SMCHD1: variants seen among roughly 807,000 people sequenced by gnomAD.
The protein encoded by SMCHD1 is structural maintenance of chromosomes flexible hinge domain containing 1.
In SMCHD1, 78 loss-of-function variants were observed where a neutral mutation model predicts 254.7. That is an observed-to-expected ratio of 0.31 (90% CI 0.26 to 0.37). The LOEUF is 0.37. Among genes scored for constraint, SMCHD1 ranks in the 10% least tolerant of loss-of-function variants. SMCHD1 has a pLI of 1.00. For synonymous variants in SMCHD1, 766 were observed against 794.9 expected, an observed-to-expected ratio of 0.96 and a Z score of 0.61; for missense variants, 1,840 against 2,408.1, an observed-to-expected ratio of 0.76 and a Z score of 4.94.
intron 34 of SMCHD1, among the ~76,000 whole-genome samples, chr18:2,755,201 C>A (rs1193640969): frequency 6.6e-6 from 1 of 152,066 alleles, no homozygotes; most frequent in Non-Finnish European, 1.5e-5. Flanking sequence ...ACTACAGACC[C>A]ACAGCACTAC....
intron 44 of SMCHD1, among the ~76,000 whole-genome samples, chr18:2,779,281 T>C (rs1347464000): frequency 6.6e-6 from 1 of 152,204 alleles, no homozygotes; most frequent in African/African-American, 2.4e-5. Flanking sequence ...GCCTGCCTTA[T>C]GTAGCTGGCA....
At chr18:2,686,429 C>T (rs663183) in intron 5 of SMCHD1, among the ~76,000 whole-genome samples, 125,408 of 152,182 alleles carry the variant, frequency 0.82, 55,120 homozygotes, top group East Asian at 1. Flanking sequence ...GGCACTCAAA[C>T]CTGTATGTTA....
At chr18:2,693,989 C>A (rs538942178) in intron 7 of SMCHD1, among the ~76,000 whole-genome samples, 16 of 152,294 alleles carry the variant, frequency 1.1e-4, no homozygotes, top group African/African-American at 3.8e-4. Context: ...ATTTTATCCT[C>A]AAATTCCCCT....
chr18:2,697,644 G>C (rs920023002), intron 9 of SMCHD1, among the ~76,000 whole-genome samples, 187 bp from the exon 10 acceptor site: 29 of 152,092 alleles, frequency 1.9e-4, no homozygotes, highest in African/African-American at 6.5e-4. Context: ...TTTTTTAGTA[G>C]TATGTTCCTT....
At chr18:2,766,013 A>T (rs1480040718) in intron 37 of SMCHD1, among the ~76,000 whole-genome samples, 3 of 91,486 alleles carry the variant, frequency 3.3e-5, no homozygotes, top group Admixed American at 2.5e-4. Flanking sequence ...TTTTTTTTGG[A>T]GACAGAGTCT....
At chr18:2,731,130 A>G (rs1401286735) in intron 24 of SMCHD1, among the ~76,000 whole-genome samples, 2 of 152,218 alleles carry the variant, frequency 1.3e-5, no homozygotes, top group African/African-American at 2.4e-5. Flanking sequence ...GTAAGATACA[A>G]CAGAAGATGG....
intron 12 of SMCHD1, among the ~76,000 whole-genome samples, chr18:2,701,844 A>G (rs1472590450): frequency 2.0e-5 from 3 of 152,140 alleles, no homozygotes; most frequent in African/African-American, 7.2e-5. Context: ...TTTATTATCA[A>G]TTTATTGCTG....
chr18:2,768,656 G>A (rs370749932), intron 37 of SMCHD1, among the ~76,000 whole-genome samples: 1 of 107,434 alleles, frequency 9.3e-6, no homozygotes, highest in East Asian at 2.2e-4. Flanking sequence ...ACAGTATATA[G>A]TATAGTATAT....
At chr18:2,762,339 T>A in intron 36 of SMCHD1, 103 bp downstream of exon 36, 1 of 1,111,416 alleles carries the variant, frequency 9.0e-7, no homozygotes, top group Non-Finnish European at 1.3e-6. Context: ...TTACTCTGAT[T>A]AAGGTTATAG....
intron 1 of SMCHD1, among the ~76,000 whole-genome samples, chr18:2,658,891 CAT>C (rs1337007655): frequency 2.0e-5 from 3 of 150,316 alleles, no homozygotes; most frequent in South Asian, 2.1e-4. Flanking sequence ...CATATATACA[CAT>C]ATATACGTGT....
intron 41 of SMCHD1, among the ~76,000 whole-genome samples, chr18:2,772,822 G>A (rs2076006891): frequency 6.6e-6 from 1 of 152,270 alleles, no homozygotes; most frequent in African/African-American, 2.4e-5. Flanking sequence ...AACTTGCTCA[G>A]AGTTGCACAG....
intron 30 of SMCHD1, 69 bp downstream of exon 30, chr18:2,747,716 C>A: frequency 8.3e-7 from 1 of 1,203,434 alleles, no homozygotes; most frequent in Non-Finnish European, 1.1e-6. Flanking sequence ...GTATCTTTAG[C>A]TGTCATATTG....
At chr18:2,734,306 C>A (rs1381234185) in intron 25 of SMCHD1, among the ~76,000 whole-genome samples, 1 of 152,144 alleles carries the variant, frequency 6.6e-6, no homozygotes, top group East Asian at 1.9e-4. Context: ...AATCATGCTT[C>A]CATTTCCTCC....
chr18:2,656,099 G>T lies in SMCHD1; in HGVS notation c.24G>T (p.Gly8=). MAAADGG[G]PGGASVGTEE... ...ATATGGCAGCGGCGGACGGCGGCGG[G>T]CCTGGTGGGGCCTCTGTGGGGACTG... Residue 8 remains glycine (G), a synonymous_variant, in exon 1 of 48, where the codon GGG becomes GGT. Coordinates refer to ENST00000320876, the MANE Select transcript of SMCHD1 (RefSeq NM_015295.3). 1 of 1,414,668 alleles carries T rather than the reference G, an allele frequency of 7.1e-7. No individual in the cohort carries two copies. The highest frequency in any genetic ancestry group is 9.2e-7 in the Non-Finnish European group (1 of 1,082,252). 87.6% of individuals were successfully genotyped at this position (1,414,668 alleles called of 1,614,324 possible). A position where few individuals can be genotyped will look rare whatever the true frequency, so the allele number is the denominator to read the frequency against.
At chr18:2,723,209 A>G (rs2074961312) in intron 20 of SMCHD1, among the ~76,000 whole-genome samples, 1 of 152,172 alleles carries the variant, frequency 6.6e-6, no homozygotes, top group Non-Finnish European at 1.5e-5. Flanking sequence ...AAATTTTTTA[A>G]AGACCCTCTT....
intron 1 of SMCHD1, among the ~76,000 whole-genome samples, chr18:2,665,728 A>C (rs2073417686): frequency 6.6e-6 from 1 of 152,160 alleles, no homozygotes; most frequent in African/African-American, 2.4e-5. Flanking sequence ...TAAAATGCTA[A>C]CTTCTGTTTT....
intron 1 of SMCHD1, among the ~76,000 whole-genome samples, chr18:2,661,937 AT>A (rs1793242937): frequency 6.7e-6 from 1 of 149,182 alleles, no homozygotes. Flanking sequence ...CGGGTGGATC[AT>A]GAGGTCAGGA....
chr18:2,764,917 A>G (rs1249599829), intron 37 of SMCHD1, among the ~76,000 whole-genome samples: 1 of 152,192 alleles, frequency 6.6e-6, no homozygotes, highest in African/African-American at 2.4e-5. Context: ...TAGGATATGC[A>G]TATTTTAAGC....
chr18:2,759,646 A>C (rs1327858621), intron 34 of SMCHD1, among the ~76,000 whole-genome samples: 3 of 128,000 alleles, frequency 2.3e-5, no homozygotes, highest in Admixed American at 9.9e-5. Flanking sequence ...CTTGGCTCAC[A>C]GCAACCTCTG....
Sources: gnomAD v4.1 joint callset for allele counts (sites outside exome capture counted in the v4.1 genomes callset) on GRCh38, gnomAD v4.1.1 for gene constraint, MANE v1.5 for transcripts, NCBI Gene and HGNC (gene_info 2026-07-23, HGNC 2026-07-21) for gene names.